Variants in PAX7 observed in about 807,000 individuals in gnomAD.
PAX7 encodes paired box 7.
A neutral mutation model predicts 50.7 loss-of-function variants in PAX7; 18 were observed. The observed-to-expected ratio is 0.36, with a 90% CI of 0.25 to 0.53. The LOEUF (loss-of-function observed/expected upper bound fraction) is 0.53. Among genes scored for constraint, PAX7 ranks in the 20% least tolerant of loss-of-function variants. The pLI, the probability that PAX7 is intolerant of heterozygous loss-of-function variation, is 0.93. For missense variants in PAX7, 644 were observed against 702.9 expected (o/e 0.92, Z 0.95); for synonymous variants, 310 against 290.4 (o/e 1.07, Z -0.69).
intron 4 of PAX7, among the ~76,000 whole-genome samples, chr1:18,671,517 TG>T (rs1206858179): frequency 6.6e-6 from 1 of 151,302 alleles, no homozygotes; most frequent in East Asian, 1.9e-4. Context: ...GTGGGCCAGG[TG>T]GGAGGAGGGT....
chr1:18,714,615 G>A (rs1196834381), intron 7 of PAX7, among the ~76,000 whole-genome samples: 1 of 152,156 alleles, frequency 6.6e-6, no homozygotes, highest in African/African-American at 2.4e-5. Flanking sequence ...TTACTGCTGT[G>A]GGCCTCAGTT....
At chr1:18,643,492 G>A (rs1175002623) in intron 4 of PAX7, among the ~76,000 whole-genome samples, 1 of 152,158 alleles carries the variant, frequency 6.6e-6, no homozygotes, top group Admixed American at 6.5e-5. Flanking sequence ...AAATGCGGAG[G>A]CGCCGAGGGA....
At chr1:18,714,497 GTT>G (rs1161986449) in intron 7 of PAX7, among the ~76,000 whole-genome samples, 1 of 152,154 alleles carries the variant, frequency 6.6e-6, no homozygotes, top group Non-Finnish European at 1.5e-5. Flanking sequence ...GTCTTGCTAG[GTT>G]TCTCTACCCA....
At chr1:18,639,372 C>T (rs1214825265) in intron 4 of PAX7, among the ~76,000 whole-genome samples, 1 of 150,190 alleles carries the variant, frequency 6.7e-6, no homozygotes, top group Non-Finnish European at 1.5e-5. Flanking sequence ...TCCCCTTGGG[C>T]TGATATTCAT....
chr1:18,680,886 G>A (rs372324944), intron 4 of PAX7, among the ~76,000 whole-genome samples: 10 of 152,184 alleles, frequency 6.6e-5, no homozygotes, highest in African/African-American at 2.4e-4. Context: ...AGCCGGGCGC[G>A]GTGGCTCACG....
chr1:18,666,780 G>A (rs1330438855), intron 4 of PAX7, among the ~76,000 whole-genome samples: 1 of 152,250 alleles, frequency 6.6e-6, no homozygotes, highest in Non-Finnish European at 1.5e-5. Context: ...GGCTTTGAAA[G>A]TGAATTATTT....
chr1:18,634,163 C>G lies in PAX7; in HGVS notation c.86-140C>G. 1 of 636,548 alleles carries G rather than the reference C, an allele frequency of 1.6e-6. No individual in the cohort carries two copies. The highest frequency in any genetic ancestry group is 2.8e-6 in the Non-Finnish European group (1 of 361,068). 39.4% of individuals were successfully genotyped at this position (636,548 alleles called of 1,614,324 possible). ...TCAAACTACCTACCTACCGAAGCCC[C>G]AGTGTGAGGACCACCGGGATTGCTG... is the stretch of plus-strand genomic sequence containing the variant. On this transcript the variant is annotated intron_variant, in intron 1 of 8. Transcript: ENST00000420770. The surrounding 1 kb of genome is among the most constrained non-coding windows in gnomAD (Gnocchi z 4.0).
chr1:18,673,932 G>C (rs748431868), intron 4 of PAX7, among the ~76,000 whole-genome samples: 5 of 152,236 alleles, frequency 3.3e-5, no homozygotes, highest in Non-Finnish European at 5.9e-5. Context: ...TCTTGGAACT[G>C]TTCAGCTGGC....
At chr1:18,673,173 G>A (rs1364971925) in intron 4 of PAX7, among the ~76,000 whole-genome samples, 1 of 152,132 alleles carries the variant, frequency 6.6e-6, no homozygotes, top group Non-Finnish European at 1.5e-5. Flanking sequence ...ATAAATCACT[G>A]CCCCTCTCAG....
In PAX7 at chr1:18,636,407, G is replaced by T; in HGVS notation, c.586+36G>T. On this transcript the variant is annotated intron_variant, in intron 4 of 8. Transcript: ENST00000420770. The surrounding 1 kb of genome is among the most constrained non-coding windows in gnomAD (Gnocchi z 5.1). ...TCCCTGGGCTGCGAGGCCCCAGCCC[G>T]GGTTTTCCCACGCTCCGGTGTGCGG... The T allele has an allele frequency of 6.2e-7, 1 of 1,604,018 alleles. No homozygotes were observed. Among genetic ancestry groups the T allele is most frequent in the Non-Finnish European group, 8.5e-7 (1 of 1,173,686 alleles).
At chr1:18,708,047 T>G (rs188784106) in intron 7 of PAX7, among the ~76,000 whole-genome samples, 1 of 152,000 alleles carries the variant, frequency 6.6e-6, no homozygotes, top group East Asian at 1.9e-4. Context: ...CCCAGCCTAA[T>G]AGGATTAGGG....
At chr1:18,687,135 C>G (rs2088988516) in intron 4 of PAX7, among the ~76,000 whole-genome samples, 1 of 152,062 alleles carries the variant, frequency 6.6e-6, no homozygotes. Context: ...AGGTGATCCA[C>G]CCGCCTCAGC....
At chr1:18,741,463 A>AAAAG (rs71027395) in intron 8 of PAX7, among the ~76,000 whole-genome samples, 102,199 of 149,458 alleles carry the variant, frequency 0.68, 35,660 homozygotes, top group African/African-American at 0.81. Context: ...AAGAAAAAAA[A>AAAAG]AAAGAAAGAA....
At position 18,724,217 on chromosome 1, in the gene PAX7, C is replaced by T. The variant is rs980532834; in HGVS notation, c.1156-11415C>T. Among the ~76,000 whole-genome samples, 21 of 150,012 alleles carry T rather than the reference C, an allele frequency of 1.4e-4. No homozygotes were observed. In the South Asian group the frequency reaches 1.9e-3, roughly 14 times the overall value. On this transcript the variant is annotated intron_variant, in intron 7 of 8. Coordinates refer to ENST00000420770, the MANE Select transcript of PAX7 (RefSeq NM_001135254.2). The stretch of plus-strand genomic sequence containing the variant: ...GCTGGCTGGGCCCCACTCCACCAGT[C>T]GAGGCTGGCTCAAGGCCTCCCTGCT...
Position 18,673,568 on chromosome 1 carries a change from T to C in PAX7, c.587-18186T>C, listed in dbSNP as rs149271231. Among the ~76,000 whole-genome samples the C allele has an allele frequency of 2.2e-3, 329 of 152,300 alleles. 3 individuals carry two copies. Among genetic ancestry groups the C allele is most frequent in the African/African-American group, 7.7e-3 (321 of 41,568 alleles). On this transcript the variant is annotated intron_variant, in intron 4 of 8. Transcript: ENST00000420770. Reference sequence around the variant, plus strand: ...ATTCAGTAAACTGGGCTCAGAGCAATAATTGTCCCAGGGTGCGAGTAACAG... The same window carrying C: ...ATTCAGTAAACTGGGCTCAGAGCAACAATTGTCCCAGGGTGCGAGTAACAG...
At chr1:18,705,971 G>A (rs2089278384) in intron 7 of PAX7, among the ~76,000 whole-genome samples, 1 of 152,194 alleles carries the variant, frequency 6.6e-6, no homozygotes, top group African/African-American at 2.4e-5. Flanking sequence ...AGGAGGGCGG[G>A]TGCAGGGGCA....
intron 4 of PAX7, among the ~76,000 whole-genome samples, chr1:18,637,128 T>C (rs1230401767): frequency 6.6e-6 from 1 of 152,162 alleles, no homozygotes; most frequent in Non-Finnish European, 1.5e-5. Flanking sequence ...TCCTGCGCCA[T>C]GCTTTTTCTC....
At chr1:18,641,985 T>A (rs2088263831) in intron 4 of PAX7, among the ~76,000 whole-genome samples, 1 of 117,232 alleles carries the variant, frequency 8.5e-6, no homozygotes, top group African/African-American at 3.9e-5. Context: ...CCCCCTCCCC[T>A]TTCACAGCTT....
chr1:18,662,354 G>A (rs2088612187), intron 4 of PAX7, among the ~76,000 whole-genome samples: 1 of 152,152 alleles, frequency 6.6e-6, no homozygotes, highest in Non-Finnish European at 1.5e-5. Flanking sequence ...TCATTGGTGT[G>A]GTTCCATGAG....
Sources: allele counts gnomAD v4.1 joint callset (sites outside exome capture counted in the v4.1 genomes callset), GRCh38; gene constraint gnomAD v4.1.1; non-coding constraint Gnocchi (gnomAD v3.1); transcripts MANE v1.5; gene names NCBI Gene and HGNC (gene_info 2026-07-23, HGNC 2026-07-21).